Variants in MACROD1 observed in about 807,000 individuals in gnomAD.
MACROD1 encodes the protein mono-ADP ribosylhydrolase 1.
In MACROD1, 31 loss-of-function variants were observed where a neutral mutation model predicts 41.4. That is an observed-to-expected ratio of 0.75 (90% CI 0.56 to 1.01). MACROD1 has a LOEUF of 1.01. Among genes scored for constraint, MACROD1 ranks in the 50% least tolerant of loss-of-function variants. The probability of loss-of-function intolerance (pLI) is 0.00; values close to 1 mark genes in which losing one functional copy is unlikely to be tolerated. For missense variants in MACROD1, 473 were observed against 460.0 expected, an observed-to-expected ratio of 1.03 and a Z score of -0.26; for synonymous variants, 252 against 203.4, an observed-to-expected ratio of 1.24 and a Z score of -2.03.
rs1376941299 is a variant in MACROD1 at position 64,143,767 on chromosome 11, C to CACACACACAA, written c.517+7471_517+7472insTTGTGTGTGT. Among the ~76,000 whole-genome samples, 14 of 142,832 alleles carry CACACACACAA rather than the reference C, an allele frequency of 9.8e-5. No individual in the cohort carries two copies. In the East Asian group the frequency reaches 2.6e-3, roughly 26 times the overall value. 93.7% of individuals were successfully genotyped at this position (142,832 alleles called of 152,430 possible). A position where few individuals can be genotyped will look rare whatever the true frequency, so the allele number is the denominator to read the frequency against. On this transcript the variant is annotated intron_variant, in intron 3 of 10. Transcript: ENST00000255681. The stretch of plus-strand genomic sequence containing the variant: ...CGACACACACATACACACACACACA[C>CACACACACAA]ACACACACACACACACACACACACA...
chr11:64,068,361 T>G (rs1391199312), intron 3 of MACROD1, among the ~76,000 whole-genome samples: 2 of 152,228 alleles, frequency 1.3e-5, no homozygotes, highest in South Asian at 4.1e-4. Context: ...CCTGGCAGGC[T>G]CAGGCCCAGC....
chr11:64,130,351 ACCTACC>A (rs1286878774), intron 3 of MACROD1, among the ~76,000 whole-genome samples: 1 of 152,138 alleles, frequency 6.6e-6, no homozygotes, highest in Non-Finnish European at 1.5e-5. Flanking sequence ...AGTGGGTGAT[ACCTACC>A]CCTCCATGGC....
chr11:64,079,047 C>G (rs928895644), intron 3 of MACROD1, among the ~76,000 whole-genome samples: 1 of 146,660 alleles, frequency 6.8e-6, no homozygotes, highest in Non-Finnish European at 1.5e-5. Context: ...CTTGCTGAGC[C>G]GCTGTGCGGA....
chr11:63,999,692 AGCT>A lies in MACROD1; in HGVS notation c.733_735del (p.Ser245del). ...AGCAGGTCCAGACTGCTCAGGTAGC[AGCT>A]GCGGAGCTCGGCAGCCTGACTGGCG... On this transcript the variant is annotated inframe_deletion, in exon 6 of 11. Coordinates refer to ENST00000255681, the MANE Select transcript of MACROD1 (RefSeq NM_014067.4). 6.2e-7 allele frequency: 1 copy of A among 1,609,128 alleles called. No individual in the cohort carries two copies. The highest frequency in any genetic ancestry group is 8.5e-7 in the Non-Finnish European group (1 of 1,179,190).
chr11:64,038,534 G>A (rs1943426038), intron 3 of MACROD1, among the ~76,000 whole-genome samples: 1 of 152,130 alleles, frequency 6.6e-6, no homozygotes, highest in Admixed American at 6.5e-5. Context: ...GGGGGCAGCT[G>A]TCAAGTGGCT....
intron 3 of MACROD1, among the ~76,000 whole-genome samples, chr11:64,126,351 A>G (rs906609423): frequency 1.3e-5 from 2 of 152,018 alleles, no homozygotes; most frequent in African/African-American, 4.8e-5. Context: ...GTGGGGAGAG[A>G]GGTGACGGAG....
intron 3 of MACROD1, among the ~76,000 whole-genome samples, chr11:64,071,831 G>A (rs1263368415): frequency 3.9e-5 from 6 of 152,106 alleles, no homozygotes; most frequent in African/African-American, 7.2e-5. Flanking sequence ...AAGGGGCATC[G>A]AGACTCACCC....
intron 3 of MACROD1, among the ~76,000 whole-genome samples, chr11:64,070,831 T>C (rs571209596): frequency 6.6e-6 from 1 of 152,328 alleles, no homozygotes; most frequent in South Asian, 2.1e-4. Context: ...TTTTGCTCTT[T>C]CTCGTTTTGG....
At position 64,138,438 on chromosome 11, in the gene MACROD1, C is replaced by T. The variant is rs1025557018; in HGVS notation, c.517+12801G>A. On this transcript the variant is annotated intron_variant, in intron 3 of 10. Transcript: ENST00000255681. ...CTCCTCACAAATGTCAATTCTGGGC[C>T]ATTTGCTTCGTAGATTTTAATGTTC... is the stretch of plus-strand genomic sequence containing the variant. 6.9e-6 allele frequency: 6 copies of T among 866,588 alleles called. No individual in the cohort carries two copies. In the South Asian group the frequency reaches 2.6e-4, roughly 38 times the overall value. 53.7% of individuals were successfully genotyped at this position (866,588 alleles called of 1,614,324 possible).
chr11:64,021,938 G>T (rs868844050), intron 3 of MACROD1, among the ~76,000 whole-genome samples: 3 of 52,852 alleles, frequency 5.7e-5, no homozygotes, highest in African/African-American at 6.9e-5. Flanking sequence ...GGGGCCGGGG[G>T]GGGGGGGGGG....
At position 64,151,275 on chromosome 11, in the gene MACROD1, T is replaced by C. The variant is rs765582929; in HGVS notation, c.481A>G (p.Ile161Val). 1.1e-5 allele frequency: 18 copies of C among 1,613,812 alleles called. No homozygotes were observed. The highest frequency in any genetic ancestry group is 5.0e-5 in the Admixed American group (3 of 60,014). ...ATGGCGTCCACCTCCAGCTTGGTGA[T>C]GTCGCTGCGGAGCAGGGAGATTTTC... is the stretch of plus-strand genomic sequence containing the variant. ...NEKISLLRSD[I>V]TKLEVDAIVN... The change falls in exon 3 of 11, where the codon ATC becomes GTC. Residue 161 changes from isoleucine (I) to valine (V), a missense_variant. Ile to Val is a conservative substitution (Grantham distance 29). Transcript: ENST00000255681.
chr11:64,001,101 C>G (rs571523661), intron 4 of MACROD1: 2 of 341,312 alleles, frequency 5.9e-6, no homozygotes, highest in South Asian at 8.8e-5. Flanking sequence ...CCCTGGGGAC[C>G]CGGGCGCAGA....
At chr11:64,156,823 T>C (rs1337381441) in intron 1 of MACROD1, among the ~76,000 whole-genome samples, 1 of 152,218 alleles carries the variant, frequency 6.6e-6, no homozygotes, top group African/African-American at 2.4e-5. Context: ...TTCTAGTCTA[T>C]GGACCCAAGT....
intron 3 of MACROD1, among the ~76,000 whole-genome samples, chr11:64,138,327 C>G (rs796482449): frequency 6.6e-6 from 1 of 152,262 alleles, no homozygotes; most frequent in Non-Finnish European, 1.5e-5. Context: ...CAAACATACC[C>G]CACCTTCCTG....
At chr11:64,013,063 C>T (rs984009733) in intron 4 of MACROD1, among the ~76,000 whole-genome samples, 28 of 150,786 alleles carry the variant, frequency 1.9e-4, no homozygotes, top group African/African-American at 6.6e-4. Flanking sequence ...TTCCTGGGCT[C>T]AAGCAATCCT....
At chr11:64,018,559 G>C (rs1289585798) in intron 3 of MACROD1, among the ~76,000 whole-genome samples, 1 of 152,132 alleles carries the variant, frequency 6.6e-6, no homozygotes, top group African/African-American at 2.4e-5. Flanking sequence ...CCAGGGCAGG[G>C]CCTCTCAGGT....
chr11:64,080,849 G>A (rs1454699149), intron 3 of MACROD1, among the ~76,000 whole-genome samples: 1 of 152,120 alleles, frequency 6.6e-6, no homozygotes, highest in Non-Finnish European at 1.5e-5. Context: ...GAGGGAAGAG[G>A]CACCCTGAGC....
intron 4 of MACROD1, among the ~76,000 whole-genome samples, chr11:64,002,989 A>T (rs1453643316): frequency 6.6e-6 from 1 of 151,728 alleles, no homozygotes; most frequent in Non-Finnish European, 1.5e-5. Flanking sequence ...ACCAAAACAA[A>T]CCTCCAGGCT....
chr11:64,078,424 C>T (rs749080834), intron 3 of MACROD1, among the ~76,000 whole-genome samples: 7 of 152,222 alleles, frequency 4.6e-5, no homozygotes, highest in Non-Finnish European at 8.8e-5. Flanking sequence ...GCAGCTGCAC[C>T]GAAACATGGC....
Sources: allele counts gnomAD v4.1 joint callset (sites outside exome capture counted in the v4.1 genomes callset), GRCh38; gene constraint gnomAD v4.1.1; transcripts MANE v1.5; gene names NCBI Gene and HGNC (gene_info 2026-07-23, HGNC 2026-07-21).